MACROD2: variants seen among roughly 807,000 people sequenced by gnomAD.
The protein encoded by MACROD2 is ADP-ribose glycohydrolase MACROD2.
MACROD2 carries 36 observed loss-of-function variants against 70.4 expected under a neutral mutation model. That is an observed-to-expected ratio of 0.51 (90% CI 0.39 to 0.68). MACROD2 has a LOEUF of 0.68. Ranked by LOEUF, MACROD2 falls within the 30% of genes least tolerant of loss-of-function variation. The pLI, the probability that MACROD2 is intolerant of heterozygous loss-of-function variation, is 0.00. For missense variants in MACROD2, 496 were observed against 538.4 expected (o/e 0.92, Z 0.78); for synonymous variants, 172 against 178.8 (o/e 0.96, Z 0.30).
intron 2 of MACROD2, among the ~76,000 whole-genome samples, chr20:14,005,449 G>T (rs1476421751): frequency 3.9e-5 from 6 of 152,050 alleles, no homozygotes; most frequent in Non-Finnish European, 5.9e-5. Context: ...TTTGTCAGTT[G>T]CTATGTTGTG....
intron 5 of MACROD2, among the ~76,000 whole-genome samples, chr20:14,813,177 CT>C (rs1052659502): frequency 6.6e-5 from 10 of 151,186 alleles, no homozygotes; most frequent in Admixed American, 2.0e-4. Context: ...TTAATAATTT[CT>C]TTTTTTTAAA....
intron 4 of MACROD2, among the ~76,000 whole-genome samples, chr20:14,549,302 TA>T (rs1978496980): frequency 6.6e-6 from 1 of 152,184 alleles, no homozygotes; most frequent in Non-Finnish European, 1.5e-5. Flanking sequence ...TTGACCCCTT[TA>T]ACTGTTAATA....
intron 15 of MACROD2, among the ~76,000 whole-genome samples, chr20:16,006,362 CCTTT>C (rs1317711763): frequency 1.3e-5 from 2 of 152,114 alleles, no homozygotes; most frequent in African/African-American, 4.8e-5. Flanking sequence ...CCTTTTCATT[CCTTT>C]CTTTATCCTT....
intron 5 of MACROD2, among the ~76,000 whole-genome samples, chr20:14,825,224 G>A (rs1378981811): frequency 6.6e-6 from 1 of 151,964 alleles, no homozygotes; most frequent in Non-Finnish European, 1.5e-5. Context: ...AATTAACCAA[G>A]TACCGCTCCT....
chr20:14,080,442 CAA>C (rs61598345), intron 2 of MACROD2, among the ~76,000 whole-genome samples: 9 of 64,076 alleles, frequency 1.4e-4, no homozygotes, highest in African/African-American at 5.7e-4. Context: ...AACCCCGTCT[CAA>C]AAAAAAAAAA....
At chr20:15,325,630 G>T (rs1271710562) in intron 6 of MACROD2, among the ~76,000 whole-genome samples, 1 of 152,100 alleles carries the variant, frequency 6.6e-6, no homozygotes, top group African/African-American at 2.4e-5. Context: ...GGAGGTGTTT[G>T]TTCCAGAATC....
intron 3 of MACROD2, among the ~76,000 whole-genome samples, chr20:14,102,098 G>T (rs1480978993): frequency 6.8e-6 from 1 of 146,584 alleles, no homozygotes; most frequent in African/African-American, 2.6e-5. Flanking sequence ...CCGCCTCCCA[G>T]GTTCAAGTGA....
intron 5 of MACROD2, among the ~76,000 whole-genome samples, chr20:14,793,205 G>A (rs555856563): frequency 2.6e-5 from 4 of 151,898 alleles, no homozygotes; most frequent in South Asian, 4.2e-4. Flanking sequence ...GTGTAAAGTG[G>A]GAAGAATATA....
At chr20:15,821,725 G>T (rs544697930) in intron 8 of MACROD2, among the ~76,000 whole-genome samples, 1 of 152,186 alleles carries the variant, frequency 6.6e-6, no homozygotes, top group South Asian at 2.1e-4. Context: ...ATTGTATTAG[G>T]TACTATAAGT....
intron 3 of MACROD2, among the ~76,000 whole-genome samples, chr20:14,153,126 A>G (rs1285453790): frequency 6.6e-6 from 1 of 152,230 alleles, no homozygotes; most frequent in Non-Finnish European, 1.5e-5. Flanking sequence ...AGGAAAGTAC[A>G]TTGGGGTTTT....
chr20:14,173,642 G>A (rs918854704), intron 3 of MACROD2, among the ~76,000 whole-genome samples: 1 of 152,082 alleles, frequency 6.6e-6, no homozygotes, highest in African/African-American at 2.4e-5. Context: ...ATCTTGGTTT[G>A]GATCTATTGC....
intron 7 of MACROD2, among the ~76,000 whole-genome samples, chr20:15,461,875 G>A (rs6079841): frequency 0.66 from 100,740 of 152,034 alleles, 34,426 homozygotes; most frequent in African/African-American, 0.81. Flanking sequence ...GGTGTAAATG[G>A]AGCCTTTTCT....
intron 2 of MACROD2, among the ~76,000 whole-genome samples, chr20:14,038,387 T>G (rs2053346750): frequency 6.6e-6 from 1 of 152,212 alleles, no homozygotes; most frequent in South Asian, 2.1e-4. Context: ...ATTTAATGAC[T>G]ACAATAACTC....
intron 6 of MACROD2, among the ~76,000 whole-genome samples, chr20:15,354,938 T>C (rs1435749642): frequency 1.3e-5 from 2 of 152,212 alleles, no homozygotes; most frequent in African/African-American, 4.8e-5. Flanking sequence ...TTTTGTACTT[T>C]AGGTGCATGA....
chr20:15,147,212 CT>C (rs2076236649), intron 5 of MACROD2, among the ~76,000 whole-genome samples: 1 of 152,250 alleles, frequency 6.6e-6, no homozygotes, highest in Admixed American at 6.5e-5. Context: ...ATTCATGGTA[CT>C]TTTTCCTTTT....
chr20:14,297,932 G>A (rs1234985960), intron 3 of MACROD2, among the ~76,000 whole-genome samples: 3 of 151,808 alleles, frequency 2.0e-5, no homozygotes, highest in Non-Finnish European at 4.4e-5. Context: ...GTAGCTTTCA[G>A]TTTAAGTCAG....
intron 6 of MACROD2, among the ~76,000 whole-genome samples, chr20:15,404,603 G>A (rs553440185): frequency 7.2e-5 from 11 of 152,184 alleles, no homozygotes; most frequent in Non-Finnish European, 1.6e-4. Context: ...CCACCTGCTT[G>A]TAAAATTCTG....
intron 5 of MACROD2, among the ~76,000 whole-genome samples, chr20:14,832,218 A>AT (rs532126902): frequency 2.6e-5 from 4 of 150,952 alleles, no homozygotes; most frequent in African/African-American, 7.3e-5. Flanking sequence ...AATTTTTTGT[A>AT]TTTTTTTAGT....
intron 5 of MACROD2, among the ~76,000 whole-genome samples, chr20:14,704,927 A>G (rs1417988727): frequency 1.3e-5 from 2 of 152,118 alleles, no homozygotes; most frequent in East Asian, 3.9e-4. Flanking sequence ...CTATGGAGGA[A>G]GGGGCAAGGA....
Sources: allele counts gnomAD v4.1 joint callset (sites outside exome capture counted in the v4.1 genomes callset), GRCh38; gene constraint gnomAD v4.1.1; transcripts MANE v1.5; gene names NCBI Gene and HGNC (gene_info 2026-07-23, HGNC 2026-07-21).